Variants in CTNNA3 observed in about 807,000 individuals in gnomAD.
The protein encoded by CTNNA3 is catenin alpha 3.
Under a neutral mutation model 95.7 loss-of-function variants are expected in CTNNA3, and 76 were observed. The observed-to-expected ratio is 0.79, with a 90% CI of 0.66 to 0.96. The LOEUF is 0.96. CTNNA3 is among the 40% of genes least tolerant of loss of function. The pLI, the probability that CTNNA3 is intolerant of heterozygous loss-of-function variation, is 0.00. For synonymous variants in CTNNA3, 431 were observed against 374.4 expected, an observed-to-expected ratio of 1.15 and a Z score of -1.74; for missense variants, 1,191 against 1,089.8, an observed-to-expected ratio of 1.09 and a Z score of -1.31.
At chr10:66,540,906 T>C (rs1302457284) in intron 10 of CTNNA3, among the ~76,000 whole-genome samples, 2 of 152,194 alleles carry the variant, frequency 1.3e-5, no homozygotes, top group South Asian at 2.1e-4. Flanking sequence ...ATGGTCTTCA[T>C]GTGTGAATTC....
chr10:66,334,185 T>C (rs909560532), intron 12 of CTNNA3, among the ~76,000 whole-genome samples: 1 of 152,054 alleles, frequency 6.6e-6, no homozygotes, highest in Admixed American at 6.5e-5. Flanking sequence ...CTTTATCCAG[T>C]TTGCCAGTCT....
intron 5 of CTNNA3, among the ~76,000 whole-genome samples, chr10:67,381,871 CT>C (rs979039323): frequency 4.6e-5 from 7 of 151,614 alleles, no homozygotes; most frequent in African/African-American, 7.3e-5. Context: ...TGTTTTCTTT[CT>C]TTTTTTTTCC....
At chr10:65,945,543 A>G (rs985534074) in intron 17 of CTNNA3, among the ~76,000 whole-genome samples, 1 of 152,178 alleles carries the variant, frequency 6.6e-6, no homozygotes, top group Non-Finnish European at 1.5e-5. Context: ...TCAGAATAAT[A>G]CATTGAGAAT....
In CTNNA3 at chr10:66,640,449, G is replaced by C. The variant is rs536218638; in HGVS notation, c.1282-18665C>G. 3.1e-4 allele frequency among the ~76,000 whole-genome samples: 47 copies of C among 152,078 alleles called. 1 individual carries two copies. The highest frequency in any genetic ancestry group is 1.7e-3 in the South Asian group (8 of 4,816). On this transcript the variant is annotated intron_variant, in intron 9 of 17. Coordinates refer to ENST00000433211, the MANE Select transcript of CTNNA3 (RefSeq NM_013266.4). ...ATTCTGAAAGGTCACCTGAGCTCCA[G>C]AGTCCCTAAGAGTTCAGGTAAGGTT... is the stretch of plus-strand genomic sequence containing the variant.
chr10:66,425,076 G>A (rs1282520133), intron 11 of CTNNA3, among the ~76,000 whole-genome samples: 2 of 150,118 alleles, frequency 1.3e-5, no homozygotes, highest in African/African-American at 4.9e-5. Context: ...TATATACTGT[G>A]TGGATTGTTC....
rs943759895 is a variant in CTNNA3, at chr10:66,272,760, C to A, written c.1884+7710G>T. On this transcript the variant is annotated intron_variant, in intron 13 of 17. Coordinates refer to ENST00000433211, the MANE Select transcript of CTNNA3 (RefSeq NM_013266.4). ...AGCATATACTTATTTTATGTAAACT[C>A]ATTTGTAATCCCAATAATCTTCAGA... Among the ~76,000 whole-genome samples, 6 of 152,122 alleles carry A rather than the reference C, an allele frequency of 3.9e-5. No individual in the cohort carries two copies. In the East Asian group the frequency reaches 5.8e-4, roughly 15 times the overall value.
intron 9 of CTNNA3, among the ~76,000 whole-genome samples, chr10:66,655,611 G>T (rs1368211778): frequency 6.6e-6 from 1 of 152,040 alleles, no homozygotes; most frequent in Non-Finnish European, 1.5e-5. Flanking sequence ...TCTGGTGATA[G>T]GATAAGGATG....
intron 15 of CTNNA3, among the ~76,000 whole-genome samples, chr10:66,047,032 C>T (rs1211311364): frequency 2.0e-5 from 3 of 152,134 alleles, no homozygotes; most frequent in East Asian, 3.9e-4. Flanking sequence ...GGAAACACAG[C>T]CGAATTCTAC....
At chr10:67,664,717 A>G (rs1840287094) in intron 1 of CTNNA3, among the ~76,000 whole-genome samples, 1 of 152,200 alleles carries the variant, frequency 6.6e-6, no homozygotes, top group African/African-American at 2.4e-5. Context: ...AAGACAAGGA[A>G]TAAATAAAGA....
chr10:66,182,980 G>T (rs1386667103), intron 13 of CTNNA3, among the ~76,000 whole-genome samples: 1 of 152,172 alleles, frequency 6.6e-6, no homozygotes, highest in Non-Finnish European at 1.5e-5. Flanking sequence ...GGCTCCAGAG[G>T]CCTCACCCAG....
intron 7 of CTNNA3, among the ~76,000 whole-genome samples, chr10:66,860,816 G>A (rs1039133574): frequency 3.3e-5 from 5 of 152,104 alleles, no homozygotes; most frequent in African/African-American, 1.2e-4. Context: ...TAAATTTTTT[G>A]TAAATATTCA....
chr10:67,302,050 A>C (rs150512707), intron 5 of CTNNA3, among the ~76,000 whole-genome samples: 1,674 of 127,852 alleles, frequency 0.013, 422 homozygotes, highest in African/African-American at 0.062. Flanking sequence ...AAAGAAAGAA[A>C]GAAAGAAAGA....
At chr10:66,225,141 C>A (rs2089202227) in intron 13 of CTNNA3, among the ~76,000 whole-genome samples, 1 of 151,738 alleles carries the variant, frequency 6.6e-6, no homozygotes, top group Admixed American at 6.6e-5. Flanking sequence ...CCTATTCCTC[C>A]TTTATTGCAT....
chr10:65,944,916 A>G (rs2077492555), intron 17 of CTNNA3, among the ~76,000 whole-genome samples: 1 of 151,676 alleles, frequency 6.6e-6, no homozygotes, highest in Non-Finnish European at 1.5e-5. Context: ...TCTATCATCT[A>G]TTTATCATCT....
intron 5 of CTNNA3, among the ~76,000 whole-genome samples, chr10:67,265,467 G>C (rs911229356): frequency 1.3e-5 from 2 of 152,054 alleles, no homozygotes; most frequent in Non-Finnish European, 2.9e-5. Flanking sequence ...TAGCAGGGAG[G>C]GGAAGCTATA....
chr10:66,681,629 G>A (rs896895328), intron 9 of CTNNA3, among the ~76,000 whole-genome samples: 1 of 152,120 alleles, frequency 6.6e-6, no homozygotes, highest in African/African-American at 2.4e-5. Flanking sequence ...TACCATATTA[G>A]CTGCTACAAG....
intron 1 of CTNNA3, among the ~76,000 whole-genome samples, chr10:67,757,892 T>C (rs552266158): frequency 1.3e-5 from 2 of 152,196 alleles, no homozygotes; most frequent in Non-Finnish European, 1.5e-5. Flanking sequence ...TAGAGAACCC[T>C]GATTAATACA....
chr10:66,424,196 T>TA (rs1203773929), intron 11 of CTNNA3, among the ~76,000 whole-genome samples: 97 of 151,538 alleles, frequency 6.4e-4, no homozygotes, highest in South Asian at 2.1e-4. Context: ...TTCCCTGTAT[T>TA]AAAAAAAAAT....
At chr10:66,705,098 G>T (rs1457546910) in intron 9 of CTNNA3, among the ~76,000 whole-genome samples, 3 of 151,818 alleles carry the variant, frequency 2.0e-5, no homozygotes, top group Non-Finnish European at 4.4e-5. Context: ...GTTGAATTTG[G>T]TCATATTTTT....
Sources: gnomAD v4.1 joint callset for allele counts (sites outside exome capture counted in the v4.1 genomes callset) on GRCh38, gnomAD v4.1.1 for gene constraint, MANE v1.5 for transcripts, NCBI Gene and HGNC (gene_info 2026-07-23, HGNC 2026-07-21) for gene names.